TTLL10: variants seen among roughly 807,000 people sequenced by gnomAD.
The protein encoded by TTLL10 is inactive polyglycylase TTLL10.
A neutral mutation model predicts 69.0 loss-of-function variants in TTLL10; 61 were observed. That is an observed-to-expected ratio of 0.88 (90% CI 0.72 to 1.09). The LOEUF (loss-of-function observed/expected upper bound fraction) is 1.09. TTLL10 is among the 50% of genes least tolerant of loss of function. The probability of loss-of-function intolerance (pLI) is 0.00; values close to 1 mark genes in which losing one functional copy is unlikely to be tolerated. For missense variants in TTLL10, 962 were observed against 945.9 expected, an observed-to-expected ratio of 1.02 and a Z score of -0.22; for synonymous variants, 408 against 393.3, an observed-to-expected ratio of 1.04 and a Z score of -0.44.
At chr1:1,183,822 C>G in intron 11 of TTLL10, 98 bp from the exon 12 acceptor site, 1 of 1,478,416 alleles carries the variant, frequency 6.8e-7, no homozygotes, top group South Asian at 1.2e-5. Flanking sequence ...AGAGGCGGGG[C>G]GCTGAGGAAA....
chr1:1,190,373 A>G (rs1647677883), intron 13 of TTLL10, among the ~76,000 whole-genome samples: 1 of 146,346 alleles, frequency 6.8e-6, no homozygotes, highest in Non-Finnish European at 1.5e-5. Context: ...TTTCCACTCT[A>G]TCTTTATTAT....
chr1:1,184,120 C>G, intron 12 of TTLL10, 29 bp downstream of exon 12: 1 of 1,613,856 alleles, frequency 6.2e-7, no homozygotes, highest in Non-Finnish European at 8.5e-7. Context: ...AGGGCCCTCC[C>G]TGCAGCCTTG....
At chr1:1,179,165 G>T in intron 3 of TTLL10, 24 bp from the exon 4 acceptor site, 1 of 1,449,304 alleles carries the variant, frequency 6.9e-7, no homozygotes, top group South Asian at 1.4e-5. Flanking sequence ...CCACAGGAGG[G>T]TCAGAGCGGC....
intron 13 of TTLL10, among the ~76,000 whole-genome samples, chr1:1,193,912 C>T (rs1648018815): frequency 6.6e-6 from 1 of 152,074 alleles, no homozygotes; most frequent in South Asian, 2.1e-4. Context: ...AATCCCAGTG[C>T]TTTGGGAGGC....
In TTLL10 at chr1:1,180,276, C is replaced by T; in HGVS notation, c.442C>T (p.Pro148Ser). The change falls in exon 6 of 16, where the codon CCA (proline) becomes TCA (serine). Residue 148 changes from proline (P) to serine (S), a missense_variant. Coordinates refer to ENST00000379289, the MANE Select transcript of TTLL10 (RefSeq NM_001130045.2). ...LEGLLLGGGK[P>S]SPHSTRPGPF... ...GGGGCTCCTGCTGGGGGGTGGGAAG[C>T]CATCGCCCCACAGCACCCGGCCGGG... 6.3e-7 allele frequency: 1 copy of T among 1,596,722 alleles called. No individual in the cohort carries two copies. Among genetic ancestry groups the T allele is most frequent in the Non-Finnish European group, 8.5e-7 (1 of 1,172,810 alleles).
intron 13 of TTLL10, among the ~76,000 whole-genome samples, chr1:1,188,963 C>T (rs7544660): frequency 0.11 from 16,317 of 152,048 alleles, 1,216 homozygotes; most frequent in African/African-American, 0.22. Flanking sequence ...TTGTCCATTG[C>T]TAGTGTATAA....
Position 1,184,922 on chromosome 1 carries a change from C to T in TTLL10, c.1261-47C>T, listed in dbSNP as rs199955145. 10 of 1,295,446 alleles carry T rather than the reference C, an allele frequency of 7.7e-6. No homozygotes were observed. In the East Asian group the frequency reaches 2.5e-4, roughly 33 times the overall value. 80.2% of individuals were successfully genotyped at this position (1,295,446 alleles called of 1,614,324 possible). A position where few individuals can be genotyped will look rare whatever the true frequency, so the allele number is the denominator to read the frequency against. On this transcript the variant is annotated intron_variant, in intron 12 of 15. Transcript: ENST00000379289. ...CTTGGGGACCCCCGTGAGGACAGGCCCTCCGGACAGTCTGGGAGCCAGTCT... is the reference window on the plus strand; with the variant it reads ...CTTGGGGACCCCCGTGAGGACAGGCTCTCCGGACAGTCTGGGAGCCAGTCT...
In TTLL10 at chr1:1,183,010, AC is replaced by A; in HGVS notation, c.1052del (p.Thr351SerfsTer41). 6.2e-7 allele frequency: 1 copy of A among 1,609,522 alleles called. No homozygotes were observed. The highest frequency in any genetic ancestry group is 8.5e-7 in the Non-Finnish European group (1 of 1,178,426). On this transcript the variant is annotated frameshift_variant, in exon 11 of 16. Coordinates refer to ENST00000379289, the MANE Select transcript of TTLL10 (RefSeq NM_001130045.2). LOFTEE classifies it high-confidence loss of function. The stretch of plus-strand genomic sequence containing the variant: ...GGAGGACGACCCCATCCACCACAAG[AC>A]GCCGTTCCGGGGGCCTCAGGCGCGG... ...SMEDDPIHHKTPFRGPQARVV... is the reference protein window; with the variant it reads ...SMEDDPIHHKXPFRGPQARVV...
intron 3 of TTLL10, among the ~76,000 whole-genome samples, 154 bp from the exon 4 acceptor site, chr1:1,179,035 C>T (rs370714562): frequency 8.5e-4 from 130 of 152,354 alleles, no homozygotes; most frequent in African/African-American, 2.8e-3. Flanking sequence ...GCCACAGAGA[C>T]GGGAGCCAGC....
chr1:1,180,460 A>ACCCCCCCCCCCCCCC (rs57269982), intron 6 of TTLL10, 23 bp from the exon 7 acceptor site: 2 of 1,107,360 alleles, frequency 1.8e-6, no homozygotes, highest in Admixed American at 2.2e-5. Flanking sequence ...CCCCCAGGTC[A>ACCCCCCCCCCCCCCC]CCCCCGCCCC....
chr1:1,176,892 T>C (rs1646885617), intron 3 of TTLL10, among the ~76,000 whole-genome samples: 1 of 152,226 alleles, frequency 6.6e-6, no homozygotes, highest in Non-Finnish European at 1.5e-5. Flanking sequence ...TGCCTTTGCT[T>C]TAAAAGCACG....
chr1:1,197,820 C>T lies in TTLL10; in HGVS notation c.1995C>T (p.Arg665=), dbSNP rs1009924563. Residue 665 remains arginine (R), a synonymous_variant, in exon 16 of 16, where the codon CGC becomes CGT. Transcript: ENST00000379289. ...EPSPGTAKEE[R]EEPENARP ...CCCCGGGGACAGCCAAGGAGGAACG[C>T]GAGGAGCCTGAGAACGCGAGGCCCT... 49 of 1,509,098 alleles carry T rather than the reference C, an allele frequency of 3.2e-5. No individual in the cohort carries two copies. Among genetic ancestry groups the T allele is most frequent in the Non-Finnish European group, 3.6e-5 (41 of 1,127,976 alleles). 93.5% of individuals were successfully genotyped at this position (1,509,098 alleles called of 1,614,324 possible).
rs973463688 is a variant in TTLL10 at position 1,197,536 on chromosome 1, G to A, written c.1711G>A (p.Asp571Asn). ...RFVLLHNGEADPRPHLGGSCS... is the reference protein window; with the variant it reads ...RFVLLHNGEANPRPHLGGSCS... The stretch of plus-strand genomic sequence containing the variant: ...CGTGCTCCTGCACAACGGTGAGGCC[G>A]ACCCGCGGCCGCACCTGGGGGGCTC... Residue 571 changes from aspartate to asparagine, a missense_variant, in exon 16 of 16, where the codon GAC (aspartate) becomes AAC (asparagine). Physicochemically the swap from Asp to Asn is conservative, Grantham distance 23. Coordinates refer to ENST00000379289, the MANE Select transcript of TTLL10 (RefSeq NM_001130045.2). The A allele has an allele frequency of 1.2e-4, 185 of 1,528,978 alleles. No homozygotes were observed. Among genetic ancestry groups the A allele is most frequent in the Admixed American group, 6.1e-4 (30 of 48,788 alleles). The allele number at this position is 1,528,978 out of a possible 1,614,324, so 94.7% of individuals were successfully genotyped here. A position where few individuals can be genotyped will look rare whatever the true frequency, so the allele number is the denominator to read the frequency against.
Position 1,185,800 on chromosome 1 carries a change from C to G in TTLL10, c.1401+691C>G, listed in dbSNP as rs1647274663. The G allele has an allele frequency of 2.0e-6, 2 of 985,362 alleles. 1 individual carries two copies. Among genetic ancestry groups the G allele is most frequent in the South Asian group, 9.4e-5 (2 of 21,298 alleles). The allele number at this position is 985,362 out of a possible 1,614,324, so 61.0% of individuals were successfully genotyped here. A position where few individuals can be genotyped will look rare whatever the true frequency, so the allele number is the denominator to read the frequency against. ...CTCAGAGGAGCCTCCAGTTACTTTC[C>G]TCACATCTCCCAAACTCTCTCTTAA... On this transcript the variant is annotated intron_variant, in intron 13 of 15. Transcript: ENST00000379289. The surrounding 1 kb of genome is among the most constrained non-coding windows in gnomAD (Gnocchi z 6.1).
intron 13 of TTLL10, among the ~76,000 whole-genome samples, chr1:1,192,526 T>C (rs1022991692): frequency 6.6e-6 from 1 of 151,660 alleles, no homozygotes; most frequent in Non-Finnish European, 1.5e-5. Context: ...GACACTCCAG[T>C]TGGTATGAGT....
At chr1:1,194,321 G>A (rs1230914258) in intron 13 of TTLL10, among the ~76,000 whole-genome samples, 1 of 152,088 alleles carries the variant, frequency 6.6e-6, no homozygotes, top group Non-Finnish European at 1.5e-5. Flanking sequence ...CAGTATATTT[G>A]TGTCCATCAA....
chr1:1,191,632 C>T (rs561368874), intron 13 of TTLL10, among the ~76,000 whole-genome samples: 19 of 152,200 alleles, frequency 1.2e-4, no homozygotes, highest in East Asian at 5.8e-4. Flanking sequence ...CCTAACCCGG[C>T]GGCGCTAGAG....
chr1:1,177,788 C>T (rs544994849), intron 3 of TTLL10, among the ~76,000 whole-genome samples: 9 of 152,232 alleles, frequency 5.9e-5, no homozygotes, highest in East Asian at 1.9e-4. Context: ...GAGTCTTGCA[C>T]GCACACACCT....
intron 11 of TTLL10, 28 bp downstream of exon 11, chr1:1,183,075 AGG>A: frequency 6.4e-7 from 1 of 1,567,558 alleles, no homozygotes; most frequent in Non-Finnish European, 8.6e-7. Context: ...CGGAGGGGTG[AGG>A]GTCTGGGCTG....
Sources: gnomAD v4.1 joint callset for allele counts (sites outside exome capture counted in the v4.1 genomes callset) on GRCh38, gnomAD v4.1.1 for gene constraint, Gnocchi (gnomAD v3.1) non-coding constraint, MANE v1.5 for transcripts, NCBI Gene and HGNC (gene_info 2026-07-23, HGNC 2026-07-21) for gene names.